The following IL20RB variants were observed in gnomAD, a reference collection of about 807,000 sequenced individuals.
IL20RB encodes interleukin 20 receptor subunit beta.
In IL20RB, 21 loss-of-function variants were observed where a neutral mutation model predicts 33.3. That is an observed-to-expected ratio of 0.63 (90% CI 0.45 to 0.91). The LOEUF is 0.91. IL20RB is among the 40% of genes least tolerant of loss of function. The pLI is 0.00. For missense variants in IL20RB, 345 were observed against 384.8 expected, an observed-to-expected ratio of 0.90 and a Z score of 0.86; for synonymous variants, 147 against 146.8, an observed-to-expected ratio of 1.00 and a Z score of -0.01.
chr3:136,979,586 G>C (rs1941717650), intron 1 of IL20RB, among the ~76,000 whole-genome samples: 1 of 152,188 alleles, frequency 6.6e-6, no homozygotes, highest in Non-Finnish European at 1.5e-5. Flanking sequence ...AGCAGGTTCA[G>C]CTTCATAGGC....
intron 5 of IL20RB, among the ~76,000 whole-genome samples, chr3:136,992,388 T>G (rs1013054496): frequency 4.6e-5 from 7 of 152,240 alleles, no homozygotes; most frequent in Non-Finnish European, 1.5e-5. Context: ...GGTTACTGCC[T>G]GTGAATCAGA....
intron 1 of IL20RB, among the ~76,000 whole-genome samples, chr3:136,973,778 A>T (rs1654923): frequency 0.47 from 70,703 of 151,452 alleles, 16,978 homozygotes; most frequent in East Asian, 0.7. Context: ...AATTGTTATA[A>T]CTTCTTGCTG....
rs1560074301 is a variant in IL20RB at position 136,991,808 on chromosome 3, C to T, written c.532-130C>T. 5.1e-6 allele frequency: 4 copies of T among 789,780 alleles called. No individual in the cohort carries two copies. The Admixed American group carries it at 1.1e-4, about 21-fold the overall frequency. The allele number at this position is 789,780 out of a possible 1,614,324, so 48.9% of individuals were successfully genotyped here. On this transcript the variant is annotated intron_variant, in intron 4 of 6. Transcript: ENST00000329582. ...TTTGTAGTAGAGATGGGGTGTTTCA[C>T]CATGTTGGTCAGGCTGGTCTTGAAC...
chr3:136,970,757 A>G (rs1941458280), intron 1 of IL20RB, among the ~76,000 whole-genome samples: 1 of 151,658 alleles, frequency 6.6e-6, no homozygotes, highest in South Asian at 2.1e-4. Context: ...GGTTCAAGCG[A>G]TTCTCCTGCC....
chr3:136,982,610 T>C (rs750380897), intron 3 of IL20RB, among the ~76,000 whole-genome samples: 33 of 152,134 alleles, frequency 2.2e-4, no homozygotes, highest in Non-Finnish European at 3.8e-4. Context: ...ATGCTGACAT[T>C]GGGAACCTGG....
chr3:136,982,225 G>T lies in IL20RB; in HGVS notation c.281G>T (p.Gly94Val). 1 of 1,608,398 alleles carries T rather than the reference G, an allele frequency of 6.2e-7. No individual in the cohort carries two copies. Among genetic ancestry groups the T allele is most frequent in the African/African-American group, 1.3e-5 (1 of 74,930 alleles). The change falls in exon 3 of 7, where the codon GGT (glycine) becomes GTT (valine). Residue 94 changes from glycine (G) to valine (V), a missense_variant. Physicochemically the swap from Gly to Val is moderately radical, Grantham distance 109 (BLOSUM62 -3). Transcript: ENST00000329582. The stretch of plus-strand genomic sequence containing the variant: ...AGCAGCTGGTGCTCACTCACTGAAG[G>T]TCCTGAGTGTGATGTCACTGATGAC... ...IPSSWCSLTE[G>V]PECDVTDDIT...
chr3:137,004,905 G>T lies in IL20RB; in HGVS notation c.826-5208G>T, dbSNP rs920554777. Reference sequence around the variant, plus strand: ...TCCTGCTTTCTCTTGTGAGCATTTAGTGCTATAAATTTCCCTCTGCACACT... The same window carrying T: ...TCCTGCTTTCTCTTGTGAGCATTTATTGCTATAAATTTCCCTCTGCACACT... On this transcript the variant is annotated intron_variant, in intron 6 of 6. Transcript: ENST00000329582. 2.6e-5 allele frequency among the ~76,000 whole-genome samples: 4 copies of T among 152,270 alleles called. No individual in the cohort carries two copies. In the South Asian group the frequency reaches 8.3e-4, roughly 32 times the overall value.
At position 136,958,057 on chromosome 3, in the gene IL20RB, G is replaced by A. The variant is rs924814146; in HGVS notation, c.-57G>A. ...ATTCTGAAGAAAGATGGCTGAGATGGACAGAATGCTTTATTTTGGAAAGAA... is the reference window on the plus strand; with the variant it reads ...ATTCTGAAGAAAGATGGCTGAGATGAACAGAATGCTTTATTTTGGAAAGAA... On this transcript the variant is annotated 5_prime_UTR_variant, in exon 1 of 7. It introduces an in-frame stop codon into an upstream open reading frame of the 5' UTR. Transcript: ENST00000329582. 2 of 1,045,806 alleles carry A rather than the reference G, an allele frequency of 1.9e-6. No homozygotes were observed. Among genetic ancestry groups the A allele is most frequent in the Non-Finnish European group, 3.0e-6 (2 of 670,692 alleles). 64.8% of individuals were successfully genotyped at this position (1,045,806 alleles called of 1,614,324 possible).
intron 6 of IL20RB, among the ~76,000 whole-genome samples, chr3:137,006,398 A>G (rs1047216030): frequency 2.6e-5 from 4 of 152,184 alleles, no homozygotes. Context: ...ACTTTCAGGC[A>G]CACCAATCAG....
chr3:136,983,107 A>G (rs1941821089), intron 3 of IL20RB, among the ~76,000 whole-genome samples: 1 of 150,754 alleles, frequency 6.6e-6, no homozygotes, highest in Non-Finnish European at 1.5e-5. Flanking sequence ...TTTTTTTTTG[A>G]TACGGAGTCT....
chr3:137,008,747 A>G (rs371506654), intron 6 of IL20RB, among the ~76,000 whole-genome samples: 1 of 152,220 alleles, frequency 6.6e-6, no homozygotes, highest in Non-Finnish European at 1.5e-5. Context: ...AAACAAGAAT[A>G]TAAAATATTT....
chr3:136,972,826 C>A (rs1028328726), intron 1 of IL20RB, among the ~76,000 whole-genome samples: 3 of 148,534 alleles, frequency 2.0e-5, no homozygotes, highest in Admixed American at 6.7e-5. Flanking sequence ...TTCCTTTTTT[C>A]TCCTAATTTT....
chr3:136,998,483 G>C (rs1486559527), intron 6 of IL20RB, among the ~76,000 whole-genome samples: 1 of 151,236 alleles, frequency 6.6e-6, no homozygotes, highest in Non-Finnish European at 1.5e-5. Flanking sequence ...TGGGCTTCCT[G>C]TCATTTTATA....
intron 6 of IL20RB, among the ~76,000 whole-genome samples, chr3:137,002,543 T>C (rs1942266495): frequency 6.6e-6 from 1 of 152,244 alleles, no homozygotes; most frequent in Non-Finnish European, 1.5e-5. Context: ...GAGCATTTTT[T>C]CATGTGTCTG....
chr3:136,997,725 T>C (rs1208528236), intron 6 of IL20RB, among the ~76,000 whole-genome samples: 2 of 152,126 alleles, frequency 1.3e-5, no homozygotes, highest in Non-Finnish European at 1.5e-5. Context: ...TATTTTTTGG[T>C]ATAAATCCAT....
At chr3:136,983,434 G>C (rs908849696) in intron 3 of IL20RB, among the ~76,000 whole-genome samples, 8 of 152,208 alleles carry the variant, frequency 5.3e-5, no homozygotes, top group Non-Finnish European at 1.0e-4. Flanking sequence ...TGTGTGGAAA[G>C]TGAACCAGAG....
intron 1 of IL20RB, among the ~76,000 whole-genome samples, chr3:136,958,951 C>T (rs1044829017): frequency 4.6e-5 from 7 of 150,916 alleles, no homozygotes; most frequent in Non-Finnish European, 1.0e-4. Context: ...GTCTCACTCT[C>T]TGTGTGTGTG....
chr3:136,980,282 C>A, intron 1 of IL20RB, 184 bp from the exon 2 acceptor site: 29 of 609,672 alleles, frequency 4.8e-5, no homozygotes, highest in Middle Eastern at 3.7e-4. Context: ...GGTTTATAAA[C>A]ATGTGAGGCT....
chr3:136,961,944 T>G (rs575095473), intron 1 of IL20RB, among the ~76,000 whole-genome samples: 1 of 152,142 alleles, frequency 6.6e-6, no homozygotes, highest in Admixed American at 6.5e-5. Context: ...AGTGTTCCCA[T>G]TGGCCAAAAG....
Sources: allele counts gnomAD v4.1 joint callset (sites outside exome capture counted in the v4.1 genomes callset), GRCh38; gene constraint gnomAD v4.1.1; transcripts MANE v1.5; gene names NCBI Gene and HGNC (gene_info 2026-07-23, HGNC 2026-07-21).